Variants in CDH13 observed in about 807,000 individuals in gnomAD.
CDH13 encodes the protein cadherin-13.
Under a neutral mutation model 63.8 loss-of-function variants are expected in CDH13, and 24 were observed. The ratio of observed to expected loss-of-function variants is 0.38; its 90% CI spans 0.27 to 0.53. The LOEUF (loss-of-function observed/expected upper bound fraction) is 0.53, where lower values mean the gene tolerates loss of function less well. Among genes scored for constraint, CDH13 ranks in the 20% least tolerant of loss-of-function variants. The pLI is 0.85. For missense variants in CDH13, 1,049 were observed against 903.1 expected (o/e 1.16, Z -2.07); for synonymous variants, 503 against 355.3 (o/e 1.42, Z -4.67).
At chr16:82,782,396 C>A (rs1043462268) in intron 1 of CDH13, among the ~76,000 whole-genome samples, 3 of 152,004 alleles carry the variant, frequency 2.0e-5, no homozygotes, top group African/African-American at 7.2e-5. Flanking sequence ...TCTGTCTTTA[C>A]TAAAAATACA....
At chr16:82,669,319 C>T (rs921724463) in intron 1 of CDH13, among the ~76,000 whole-genome samples, 22 of 152,168 alleles carry the variant, frequency 1.4e-4, no homozygotes, top group East Asian at 3.9e-4. Flanking sequence ...TGGCATTTAA[C>T]GCCCAGGAGA....
intron 1 of CDH13, among the ~76,000 whole-genome samples, chr16:82,833,984 C>G (rs2038655642): frequency 6.6e-6 from 1 of 152,288 alleles, no homozygotes. Flanking sequence ...TGTCTCTGAA[C>G]CCAATCAGGT....
intron 1 of CDH13, among the ~76,000 whole-genome samples, chr16:82,742,065 G>A (rs1351489948): frequency 6.6e-6 from 1 of 152,132 alleles, no homozygotes; most frequent in Non-Finnish European, 1.5e-5. Context: ...TAAAATCATG[G>A]TGTAGATATA....
At chr16:83,753,520 T>C (rs914263469) in intron 11 of CDH13, among the ~76,000 whole-genome samples, 7 of 152,290 alleles carry the variant, frequency 4.6e-5, no homozygotes, top group Admixed American at 4.6e-4. Context: ...CACTCTAGCC[T>C]GGGCAGCAGA....
intron 11 of CDH13, among the ~76,000 whole-genome samples, chr16:83,764,436 C>T (rs1474447075): frequency 6.6e-6 from 1 of 152,184 alleles, no homozygotes; most frequent in Non-Finnish European, 1.5e-5. Context: ...ATTTTTTATG[C>T]AAAAGAAACT....
chr16:83,255,132 A>G (rs887228026), intron 5 of CDH13, among the ~76,000 whole-genome samples: 12 of 152,152 alleles, frequency 7.9e-5, no homozygotes, highest in Middle Eastern at 3.2e-3. Flanking sequence ...TTTTAATAAA[A>G]AAATACTGAC....
intron 1 of CDH13, chr16:82,824,933 A>G (rs2038172829): frequency 6.6e-6 from 1 of 152,182 alleles, no homozygotes; most frequent in Non-Finnish European, 1.5e-5. Flanking sequence ...TTAAAAAAAT[A>G]CTTTTAATCT....
At chr16:83,159,718 C>T (rs557365051) in intron 4 of CDH13, among the ~76,000 whole-genome samples, 3 of 152,290 alleles carry the variant, frequency 2.0e-5, no homozygotes, top group South Asian at 2.1e-4. Context: ...AACTCATTTA[C>T]AGCATAGCCG....
chr16:82,849,848 G>C (rs563624237), intron 1 of CDH13, among the ~76,000 whole-genome samples: 1 of 152,294 alleles, frequency 6.6e-6, no homozygotes, highest in Admixed American at 6.5e-5. Context: ...GAACAACAAA[G>C]CCTGGATGAC....
chr16:82,726,683 C>T (rs1293665481), intron 1 of CDH13, among the ~76,000 whole-genome samples: 1 of 152,214 alleles, frequency 6.6e-6, no homozygotes, highest in Admixed American at 6.5e-5. Flanking sequence ...AAATCAGAGA[C>T]TTCCTATGTT....
At chr16:82,651,947 C>T (rs992461270) in intron 1 of CDH13, among the ~76,000 whole-genome samples, 3 of 152,332 alleles carry the variant, frequency 2.0e-5, no homozygotes, top group Admixed American at 2.0e-4. Context: ...ACTGAGAATT[C>T]AGGAAGGGCC....
intron 6 of CDH13, among the ~76,000 whole-genome samples, chr16:83,404,266 T>C (rs1338440645): frequency 6.6e-6 from 1 of 152,224 alleles, no homozygotes; most frequent in African/African-American, 2.4e-5. Flanking sequence ...CCTTCACTAA[T>C]TTTAGGAACC....
intron 6 of CDH13, among the ~76,000 whole-genome samples, chr16:83,420,279 A>G (rs981530048): frequency 6.6e-6 from 1 of 152,352 alleles, no homozygotes; most frequent in African/African-American, 2.4e-5. Context: ...GAGAGCATCA[A>G]CTAAGGTCAG....
In CDH13 at chr16:83,272,302, C is replaced by T. The variant is rs577743793; in HGVS notation, c.636+54805C>T. 1.9e-3 allele frequency among the ~76,000 whole-genome samples: 296 copies of T among 152,156 alleles called. 1 individual carries two copies. Among genetic ancestry groups the T allele is most frequent in the Non-Finnish European group, 3.6e-3 (248 of 68,036 alleles). ...AGAATTAAGAGGCCAGGGGTTAGAT[C>T]TGGACAAGAAATGCTTGTTCTTGCT... On this transcript the variant is annotated intron_variant, in intron 5 of 13. Transcript: ENST00000567109.
At chr16:82,849,197 C>T (rs183024481) in intron 1 of CDH13, among the ~76,000 whole-genome samples, 1 of 152,112 alleles carries the variant, frequency 6.6e-6, no homozygotes, top group Non-Finnish European at 1.5e-5. Flanking sequence ...GAAACGATCC[C>T]TATAACATAA....
chr16:82,961,430 C>G (rs2151342338), intron 2 of CDH13, among the ~76,000 whole-genome samples: 1 of 152,154 alleles, frequency 6.6e-6, no homozygotes, highest in South Asian at 2.1e-4. Flanking sequence ...TAAATCTTCT[C>G]CATACATAAT....
chr16:82,676,444 C>T (rs1567616192), intron 1 of CDH13, among the ~76,000 whole-genome samples: 1 of 151,468 alleles, frequency 6.6e-6, no homozygotes, highest in Non-Finnish European at 1.5e-5. Flanking sequence ...CCAGTTCTCT[C>T]CCTCTCCATT....
intron 4 of CDH13, among the ~76,000 whole-genome samples, chr16:83,166,382 T>C (rs1268282397): frequency 1.3e-5 from 2 of 151,648 alleles, no homozygotes; most frequent in Non-Finnish European, 2.9e-5. Context: ...ACAGGAAGAG[T>C]AATTGGGCTA....
At chr16:83,341,858 G>T (rs113562999) in intron 5 of CDH13, among the ~76,000 whole-genome samples, 4 of 152,054 alleles carry the variant, frequency 2.6e-5, no homozygotes, top group African/African-American at 9.6e-5. Flanking sequence ...CTATTCCTGC[G>T]GTCTAGAAAT....
Sources: allele counts gnomAD v4.1 joint callset (sites outside exome capture counted in the v4.1 genomes callset), GRCh38; gene constraint gnomAD v4.1.1; transcripts MANE v1.5; gene names NCBI Gene and HGNC (gene_info 2026-07-23, HGNC 2026-07-21).